Variants in RALYL observed in about 807,000 individuals in gnomAD.
The protein encoded by RALYL is RNA-binding Raly-like protein.
A neutral mutation model predicts 35.1 loss-of-function variants in RALYL; 29 were observed. The ratio of observed to expected loss-of-function variants is 0.83; its 90% CI spans 0.61 to 1.13. The LOEUF (loss-of-function observed/expected upper bound fraction) is 1.13, where lower values mean the gene tolerates loss of function less well. Ranked by LOEUF, RALYL falls within the 50% of genes most tolerant of loss-of-function variation. The pLI, the probability that RALYL is intolerant of heterozygous loss-of-function variation, is 0.00. For missense variants in RALYL, 359 were observed against 360.4 expected, an observed-to-expected ratio of 1.00 and a Z score of 0.03; for synonymous variants, 120 against 127.6, an observed-to-expected ratio of 0.94 and a Z score of 0.40.
intron 1 of RALYL, among the ~76,000 whole-genome samples, chr8:84,445,104 A>C (rs1443808473): frequency 6.6e-6 from 1 of 152,100 alleles, no homozygotes; most frequent in Non-Finnish European, 1.5e-5. Flanking sequence ...CTGATGCTCC[A>C]AGTGTTACTA....
chr8:84,519,366 A>G (rs1256213440), intron 1 of RALYL, among the ~76,000 whole-genome samples: 2 of 152,234 alleles, frequency 1.3e-5, no homozygotes, highest in African/African-American at 2.4e-5. Context: ...CATATAAATC[A>G]CAAAGTCTTA....
chr8:84,588,006 C>T (rs918026096), intron 2 of RALYL, among the ~76,000 whole-genome samples: 4 of 152,098 alleles, frequency 2.6e-5, no homozygotes. Context: ...ATTTTCTACC[C>T]ACACACCCCA....
At chr8:84,670,675 AG>A (rs1296914315) in intron 2 of RALYL, among the ~76,000 whole-genome samples, 1 of 152,144 alleles carries the variant, frequency 6.6e-6, no homozygotes, top group Non-Finnish European at 1.5e-5. Flanking sequence ...TAAAACCACC[AG>A]ATCTTGTGAG....
intron 1 of RALYL, among the ~76,000 whole-genome samples, chr8:84,260,377 C>A (rs751532347): frequency 1.3e-5 from 2 of 152,118 alleles, no homozygotes; most frequent in Non-Finnish European, 2.9e-5. Context: ...CAGGTGTGAT[C>A]GCTCATGCAG....
At chr8:84,418,517 C>A (rs115961392) in intron 1 of RALYL, among the ~76,000 whole-genome samples, 4,255 of 152,042 alleles carry the variant, frequency 0.028, 185 homozygotes, top group African/African-American at 0.097. Context: ...AGTAGCCATG[C>A]TGTTTTATTT....
At chr8:84,559,176 A>C (rs2061329359) in intron 2 of RALYL, among the ~76,000 whole-genome samples, 1 of 151,982 alleles carries the variant, frequency 6.6e-6, no homozygotes, top group Admixed American at 6.6e-5. Flanking sequence ...AAAGATGATA[A>C]AATAATGTTT....
chr8:84,885,505 T>C (rs573738083), intron 7 of RALYL, among the ~76,000 whole-genome samples: 27 of 152,272 alleles, frequency 1.8e-4, no homozygotes, highest in African/African-American at 4.6e-4. Context: ...TGTATATGCA[T>C]ATCAAGATAA....
At chr8:84,366,720 C>T (rs1288130049) in intron 1 of RALYL, among the ~76,000 whole-genome samples, 1 of 136,366 alleles carries the variant, frequency 7.3e-6, no homozygotes, top group Non-Finnish European at 1.5e-5. Context: ...GCCAAGATCA[C>T]ACCACTGCAC....
At chr8:84,187,166 A>C (rs137910453) in intron 1 of RALYL, among the ~76,000 whole-genome samples, 2,384 of 152,254 alleles carry the variant, frequency 0.016, 34 homozygotes, top group South Asian at 0.038. Flanking sequence ...ACATTGTACT[A>C]TCTAAACTGT....
intron 4 of RALYL, among the ~76,000 whole-genome samples, chr8:84,840,494 G>T (rs147812435): frequency 2.7e-4 from 41 of 152,326 alleles, no homozygotes; most frequent in African/African-American, 8.7e-4. Context: ...CGCCTGACTG[G>T]TGTACCTGAA....
intron 3 of RALYL, among the ~76,000 whole-genome samples, chr8:84,789,770 A>C (rs1820362185): frequency 6.6e-6 from 1 of 152,150 alleles, no homozygotes; most frequent in Non-Finnish European, 1.5e-5. Context: ...AGGTGGGAGG[A>C]TCACTTGAGC....
intron 1 of RALYL, among the ~76,000 whole-genome samples, chr8:84,443,828 C>T (rs762381688): frequency 1.3e-4 from 20 of 152,064 alleles, no homozygotes; most frequent in Non-Finnish European, 2.4e-4. Context: ...TCACCTACTT[C>T]TTAATTACAT....
At chr8:84,400,988 C>A (rs1586866970) in intron 1 of RALYL, among the ~76,000 whole-genome samples, 1 of 152,250 alleles carries the variant, frequency 6.6e-6, no homozygotes, top group Non-Finnish European at 1.5e-5. Context: ...TTATGGCAGG[C>A]ATCTTAATTT....
At chr8:84,198,959 G>A (rs901043729) in intron 1 of RALYL, among the ~76,000 whole-genome samples, 1 of 152,174 alleles carries the variant, frequency 6.6e-6, no homozygotes, top group South Asian at 2.1e-4. Flanking sequence ...CAACATAGGA[G>A]TGCAGCTATC....
intron 1 of RALYL, among the ~76,000 whole-genome samples, chr8:84,468,920 TTC>T (rs1472510743): frequency 1.3e-5 from 2 of 151,876 alleles, no homozygotes; most frequent in Non-Finnish European, 2.9e-5. Flanking sequence ...ATACCCTTTC[TTC>T]CAGTTGATCG....
intron 8 of RALYL, among the ~76,000 whole-genome samples, chr8:84,917,184 C>G (rs1446702870): frequency 3.9e-5 from 6 of 151,994 alleles, no homozygotes; most frequent in African/African-American, 1.4e-4. Flanking sequence ...CTAAAAAGCC[C>G]TGTTGTTTCT....
intron 1 of RALYL, among the ~76,000 whole-genome samples, chr8:84,506,647 A>G (rs2057190464): frequency 6.6e-6 from 1 of 151,930 alleles, no homozygotes; most frequent in South Asian, 2.1e-4. Flanking sequence ...ATCACAACAG[A>G]CTAATTTTGA....
At chr8:84,578,155 C>A (rs1809930876) in intron 2 of RALYL, among the ~76,000 whole-genome samples, 1 of 152,244 alleles carries the variant, frequency 6.6e-6, no homozygotes, top group Non-Finnish European at 1.5e-5. Context: ...GGCCACTGCA[C>A]ACAGCCATGC....
intron 2 of RALYL, among the ~76,000 whole-genome samples, chr8:84,660,163 A>G (rs906113577): frequency 4.6e-5 from 7 of 152,164 alleles, no homozygotes; most frequent in African/African-American, 1.7e-4. Flanking sequence ...TAATAACCCT[A>G]TTGAAGAAAA....
Sources: allele counts gnomAD v4.1 joint callset (sites outside exome capture counted in the v4.1 genomes callset), GRCh38; gene constraint gnomAD v4.1.1; transcripts MANE v1.5; gene names NCBI Gene and HGNC (gene_info 2026-07-23, HGNC 2026-07-21).